STAG1: variants seen among roughly 807,000 people sequenced by gnomAD.
STAG1 encodes the protein STAG1 cohesin complex component, also known as cohesin subunit SA-1.
Under a neutral mutation model 170.9 loss-of-function variants are expected in STAG1, and 26 were observed. The ratio of observed to expected loss-of-function variants is 0.15; its 90% confidence interval spans 0.11 to 0.21. The LOEUF is 0.21. Among genes scored for constraint, STAG1 ranks in the 10% least tolerant of loss-of-function variants. STAG1 has a pLI of 1.00. For missense variants in STAG1, 964 were observed against 1,509.5 expected (o/e 0.64, Z 5.99); for synonymous variants, 514 against 497.7 (o/e 1.03, Z -0.44).
intron 5 of STAG1, among the ~76,000 whole-genome samples, chr3:136,551,208 T>TGAGAGAGA (rs57609965): frequency 4.4e-3 from 194 of 44,404 alleles, no homozygotes; most frequent in Middle Eastern, 0.014. Flanking sequence ...TGAGAGAGAG[T>TGAGAGAGA]GAGAGAGAGA....
intron 14 of STAG1, among the ~76,000 whole-genome samples, chr3:136,450,426 CTTTA>C: frequency 6.6e-6 from 1 of 152,278 alleles, no homozygotes; most frequent in Non-Finnish European, 1.5e-5. Flanking sequence ...TTGTTTCTGA[CTTTA>C]TTTCTCTAGT....
chr3:136,709,074 G>A (rs1274882857), intron 1 of STAG1, among the ~76,000 whole-genome samples: 2 of 148,300 alleles, frequency 1.3e-5, no homozygotes, highest in South Asian at 4.3e-4. Flanking sequence ...TGGATCACAT[G>A]AGGTCAGGGG....
chr3:136,392,929 C>T (rs978550383), intron 22 of STAG1, among the ~76,000 whole-genome samples: 12 of 151,916 alleles, frequency 7.9e-5, no homozygotes, highest in Non-Finnish European at 1.8e-4. Flanking sequence ...TATGAGAACT[C>T]TACCTTGTAT....
At chr3:136,468,895 AT>A (rs1183505199) in intron 12 of STAG1, among the ~76,000 whole-genome samples, 1 of 152,224 alleles carries the variant, frequency 6.6e-6, no homozygotes, top group African/African-American at 2.4e-5. Flanking sequence ...CGACATGATT[AT>A]CTCAATACAT....
intron 21 of STAG1, among the ~76,000 whole-genome samples, chr3:136,401,224 T>A (rs1560088911): frequency 6.6e-6 from 1 of 152,200 alleles, no homozygotes; most frequent in East Asian, 1.9e-4. Flanking sequence ...ATATCAATAT[T>A]ATTAGGTATG....
rs181682489 is a variant in STAG1 at position 136,657,433 on chromosome 3, G to A, written c.-83-26452C>T. On this transcript the variant is annotated intron_variant, in intron 1 of 33. Coordinates refer to ENST00000383202, the MANE Select transcript of STAG1 (RefSeq NM_005862.3). The stretch of plus-strand genomic sequence containing the variant: ...TCAAACTCCTGACCTCAAATAATCC[G>A]CCTGCCTCAGCCTCCCAAAGTGCTG... Among the ~76,000 whole-genome samples, 871 of 151,886 alleles carry A rather than the reference G, an allele frequency of 5.7e-3. 3 individuals carry two copies. The highest frequency in any genetic ancestry group is 9.1e-3 in the Non-Finnish European group (616 of 67,912).
At chr3:136,379,145 C>A (rs2108310327) in intron 22 of STAG1, among the ~76,000 whole-genome samples, 1 of 152,248 alleles carries the variant, frequency 6.6e-6, no homozygotes, top group African/African-American at 2.4e-5. Context: ...AGATAAATAT[C>A]TAATAACTAA....
chr3:136,434,040 A>T (rs1296847422), intron 15 of STAG1, among the ~76,000 whole-genome samples: 1 of 152,164 alleles, frequency 6.6e-6, no homozygotes, highest in East Asian at 1.9e-4. Flanking sequence ...TTTCAAGTCA[A>T]TACACACATA....
intron 1 of STAG1, among the ~76,000 whole-genome samples, chr3:136,725,522 A>G (rs1211767858): frequency 6.6e-6 from 1 of 152,246 alleles, no homozygotes; most frequent in Non-Finnish European, 1.5e-5. Flanking sequence ...ATTGCTAGTA[A>G]TAACGCCAAT....
At chr3:136,345,455 GT>G (rs34593330) in intron 29 of STAG1, among the ~76,000 whole-genome samples, 60,872 of 101,054 alleles carry the variant, frequency 0.6, 15,435 homozygotes, top group East Asian at 0.9. Context: ...TTACCTAGTT[GT>G]TTTTTTTTTT....
At chr3:136,641,659 C>T (rs1309745325) in intron 1 of STAG1, among the ~76,000 whole-genome samples, 1 of 152,174 alleles carries the variant, frequency 6.6e-6, no homozygotes, top group Non-Finnish European at 1.5e-5. Flanking sequence ...GGAACTGTCC[C>T]TGATTACAGG....
chr3:136,667,519 G>T (rs1204332575), intron 1 of STAG1, among the ~76,000 whole-genome samples: 3 of 152,086 alleles, frequency 2.0e-5, no homozygotes, highest in Non-Finnish European at 4.4e-5. Flanking sequence ...GGGGTGGATT[G>T]TTTATTTTTC....
At chr3:136,723,382 C>A (rs1164389231) in intron 1 of STAG1, among the ~76,000 whole-genome samples, 1 of 150,524 alleles carries the variant, frequency 6.6e-6, no homozygotes, top group Admixed American at 6.6e-5. Flanking sequence ...TACCCGGCCG[C>A]GACCCCGTCT....
At chr3:136,473,450 A>G in intron 11 of STAG1, 89 bp downstream of exon 11, 1 of 973,006 alleles carries the variant, frequency 1.0e-6, no homozygotes, top group Non-Finnish European at 1.6e-6. Context: ...TGAACTAAAC[A>G]CTTGTATGAT....
At chr3:136,712,936 C>A (rs1005754862) in intron 1 of STAG1, among the ~76,000 whole-genome samples, 1 of 151,996 alleles carries the variant, frequency 6.6e-6, no homozygotes, top group Admixed American at 6.6e-5. Flanking sequence ...ACGAAAAATA[C>A]AAAAATTAGC....
intron 6 of STAG1, among the ~76,000 whole-genome samples, chr3:136,526,859 T>A (rs1935056998): frequency 6.6e-6 from 1 of 152,192 alleles, no homozygotes; most frequent in South Asian, 2.1e-4. Context: ...TGAAGCTTAG[T>A]TTGGCTGGAT....
chr3:136,544,569 C>A lies in STAG1; in HGVS notation c.395-2374G>T, dbSNP rs531019653. 2.0e-4 allele frequency among the ~76,000 whole-genome samples: 30 copies of A among 152,098 alleles called. No individual in the cohort carries two copies. The South Asian group carries it at 5.4e-3, about 27-fold the overall frequency. On this transcript the variant is annotated intron_variant, in intron 5 of 33. Coordinates refer to ENST00000383202, the MANE Select transcript of STAG1 (RefSeq NM_005862.3). ...CTTAAGATCAAGAGTTTGAGACCAG[C>A]CTGGGCAACACGGCGAGACATCATC... is the stretch of plus-strand genomic sequence containing the variant.
chr3:136,588,124 A>G (rs1937935032), intron 4 of STAG1, among the ~76,000 whole-genome samples: 1 of 152,252 alleles, frequency 6.6e-6, no homozygotes, highest in African/African-American at 2.4e-5. Context: ...TGTTCAACAA[A>G]TAGCAAAACA....
At chr3:136,651,587 T>C (rs550402158) in intron 1 of STAG1, among the ~76,000 whole-genome samples, 11 of 152,140 alleles carry the variant, frequency 7.2e-5, no homozygotes, top group Non-Finnish European at 1.6e-4. Flanking sequence ...TTTACTAACT[T>C]GGCTTTAATA....
Sources: gnomAD v4.1 joint callset for allele counts (sites outside exome capture counted in the v4.1 genomes callset) on GRCh38, gnomAD v4.1.1 for gene constraint, MANE v1.5 for transcripts, NCBI Gene and HGNC (gene_info 2026-07-23, HGNC 2026-07-21) for gene names.